The following CACNB2 variants were observed in gnomAD, a reference collection of about 807,000 sequenced individuals.
The protein encoded by CACNB2 is calcium voltage-gated channel auxiliary subunit beta 2.
In CACNB2, 42 loss-of-function variants were observed where a neutral mutation model predicts 73.3. The ratio of observed to expected loss-of-function variants is 0.57; its 90% CI spans 0.45 to 0.74. The LOEUF is 0.74. Ranked by LOEUF, CACNB2 falls within the 30% of genes least tolerant of loss-of-function variation. The pLI, the probability that CACNB2 is intolerant of heterozygous loss-of-function variation, is 0.00. For missense variants in CACNB2, 940 were observed against 853.0 expected (o/e 1.10, Z -1.27); for synonymous variants, 348 against 310.3 (o/e 1.12, Z -1.28).
At chr10:18,506,054 T>C (rs1270722173) in intron 5 of CACNB2, among the ~76,000 whole-genome samples, 1 of 152,184 alleles carries the variant, frequency 6.6e-6, no homozygotes, top group Non-Finnish European at 1.5e-5. Flanking sequence ...ATTAATAAAA[T>C]AAGCCTAAAA....
chr10:18,535,535 G>C (rs555086533), intron 11 of CACNB2, among the ~76,000 whole-genome samples: 1 of 152,170 alleles, frequency 6.6e-6, no homozygotes. Context: ...CACTCTACTA[G>C]GCTGAGGTGG....
At chr10:18,489,550 A>G (rs533159232) in intron 3 of CACNB2, among the ~76,000 whole-genome samples, 1 of 151,952 alleles carries the variant, frequency 6.6e-6, no homozygotes, top group Admixed American at 6.6e-5. Context: ...AGCTGAGACT[A>G]CAAGCGTGTG....
In CACNB2 at chr10:18,458,213, A is replaced by G. The variant is rs528876187; in HGVS notation, c.334-40142A>G. ...AATCTATTAAGGTTTTCTGTTGCAA[A>G]TGAATTCATATCTTCCTGTGGAGTC... is the stretch of plus-strand genomic sequence containing the variant. On this transcript the variant is annotated intron_variant, in intron 3 of 13. Coordinates refer to ENST00000324631, the MANE Select transcript of CACNB2 (RefSeq NM_201596.3). Among the ~76,000 whole-genome samples the G allele has an allele frequency of 4.6e-5, 7 of 152,334 alleles. No homozygotes were observed. In the South Asian group the frequency reaches 1.2e-3, roughly 27 times the overall value.
intron 2 of CACNB2, among the ~76,000 whole-genome samples, chr10:18,372,276 C>T (rs2042619850): frequency 6.6e-6 from 1 of 152,154 alleles, no homozygotes; most frequent in African/African-American, 2.4e-5. Flanking sequence ...GAAGTCCTTG[C>T]CCATGCCTAT....
At chr10:18,535,626 A>G (rs2053490053) in intron 11 of CACNB2, among the ~76,000 whole-genome samples, 1 of 146,812 alleles carries the variant, frequency 6.8e-6, no homozygotes, top group Non-Finnish European at 1.6e-5. Flanking sequence ...CAAAAAAATT[A>G]GCCGGGCGTG....
At chr10:18,201,776 C>T (rs2034893645) in intron 2 of CACNB2, among the ~76,000 whole-genome samples, 1 of 152,112 alleles carries the variant, frequency 6.6e-6, no homozygotes, top group African/African-American at 2.4e-5. Flanking sequence ...TAATTGTAAC[C>T]ATCCTGCAGT....
intron 2 of CACNB2, among the ~76,000 whole-genome samples, chr10:18,228,524 C>T (rs1564361025): frequency 6.7e-6 from 1 of 150,264 alleles, no homozygotes; most frequent in East Asian, 2.0e-4. Flanking sequence ...TTAGTCTTAC[C>T]AGACATGAAA....
At chr10:18,465,878 A>G (rs2047855086) in intron 3 of CACNB2, among the ~76,000 whole-genome samples, 1 of 151,872 alleles carries the variant, frequency 6.6e-6, no homozygotes, top group South Asian at 2.1e-4. Flanking sequence ...ACAGGGTTTC[A>G]CCATGTTTCC....
At chr10:18,490,712 C>CA (rs1364830936) in intron 3 of CACNB2, among the ~76,000 whole-genome samples, 1 of 152,176 alleles carries the variant, frequency 6.6e-6, no homozygotes, top group Non-Finnish European at 1.5e-5. Context: ...TAGAATTCCG[C>CA]AACAGCCATC....
chr10:18,257,119 G>A (rs2037317910), intron 2 of CACNB2: 2 of 152,200 alleles, frequency 1.3e-5, no homozygotes, highest in African/African-American at 2.4e-5. Context: ...GGTCTGTCTT[G>A]TCGCTCTCTT....
At position 18,243,757 on chromosome 10, in the gene CACNB2, C is replaced by T. The variant is rs76584316; in HGVS notation, c.213+92782C>T. Among the ~76,000 whole-genome samples, 367 of 152,282 alleles carry T rather than the reference C, an allele frequency of 2.4e-3. 10 individuals carry two copies. In the East Asian group the frequency reaches 0.037, roughly 16 times the overall value. ...ATTTCTACACACACCTGATCCCCTT[C>T]CGGCTGCTGAGTGGAAGCAGCCTGA... On this transcript the variant is annotated intron_variant, in intron 2 of 13. Coordinates refer to ENST00000324631, the MANE Select transcript of CACNB2 (RefSeq NM_201596.3).
intron 7 of CACNB2, 112 bp downstream of exon 7, chr10:18,514,481 G>C (rs933338562): frequency 1.2e-6 from 2 of 1,614,006 alleles, no homozygotes; most frequent in East Asian, 2.2e-5. Flanking sequence ...TGCATGCTCT[G>C]TTATTTGTTT....
chr10:18,500,061 T>C (rs2050110036), intron 4 of CACNB2, among the ~76,000 whole-genome samples: 1 of 152,060 alleles, frequency 6.6e-6, no homozygotes, highest in African/African-American at 2.4e-5. Context: ...GTGGGAACAA[T>C]AGAAAAAGTT....
intron 3 of CACNB2, among the ~76,000 whole-genome samples, chr10:18,491,011 C>T (rs963911272): frequency 1.2e-4 from 18 of 152,198 alleles, no homozygotes; most frequent in African/African-American, 4.1e-4. Context: ...TGTCCCAGAG[C>T]ACTGTGTCAG....
chr10:18,295,340 A>G (rs965966940), intron 2 of CACNB2, among the ~76,000 whole-genome samples: 1 of 152,150 alleles, frequency 6.6e-6, no homozygotes, highest in African/African-American at 2.4e-5. Flanking sequence ...AACTGCATAG[A>G]CCCCTAATGG....
At chr10:18,207,149 C>A (rs1288168351) in intron 2 of CACNB2, among the ~76,000 whole-genome samples, 1 of 152,144 alleles carries the variant, frequency 6.6e-6, no homozygotes, top group East Asian at 1.9e-4. Flanking sequence ...GCTCAGACTA[C>A]AGGCGTGAGC....
intron 2 of CACNB2, among the ~76,000 whole-genome samples, chr10:18,153,412 C>G (rs1239687901): frequency 6.6e-6 from 1 of 151,962 alleles, no homozygotes; most frequent in Admixed American, 6.6e-5. Context: ...GTAATTTAAT[C>G]TCTATTCTGT....
intron 2 of CACNB2, among the ~76,000 whole-genome samples, chr10:18,398,418 A>G (rs1029409521): frequency 6.6e-6 from 1 of 152,068 alleles, no homozygotes; most frequent in Non-Finnish European, 1.5e-5. Context: ...TAAACCCAAC[A>G]CTTTGGGAGG....
intron 5 of CACNB2, 32 bp downstream of exon 5, chr10:18,500,980 A>C: frequency 6.2e-7 from 1 of 1,604,554 alleles, no homozygotes. Context: ...TTTGCATAAA[A>C]CTTAGATTAT....
Sources: gnomAD v4.1 joint callset for allele counts (sites outside exome capture counted in the v4.1 genomes callset) on GRCh38, gnomAD v4.1.1 for gene constraint, MANE v1.5 for transcripts, NCBI Gene and HGNC (gene_info 2026-07-23, HGNC 2026-07-21) for gene names.